Variants in CAMSAP2 observed in about 807,000 individuals in gnomAD.
CAMSAP2 encodes the protein calmodulin-regulated spectrin-associated protein 2.
CAMSAP2 carries 26 observed loss-of-function variants against 146.1 expected under a neutral mutation model. The ratio of observed to expected loss-of-function variants is 0.18; its 90% confidence interval spans 0.13 to 0.25. CAMSAP2 has a LOEUF of 0.25. CAMSAP2 is among the 10% of genes least tolerant of loss of function. The pLI, the probability that CAMSAP2 is intolerant of heterozygous loss-of-function variation, is 1.00. For synonymous variants in CAMSAP2, 499 were observed against 596.6 expected, an observed-to-expected ratio of 0.84 and a Z score of 2.38; for missense variants, 1,381 against 1,759.3, an observed-to-expected ratio of 0.78 and a Z score of 3.85.
At chr1:200,809,909 CATGTCTGAGCATGTTAGCTCAGG>C (rs1432154604) in intron 3 of CAMSAP2, among the ~76,000 whole-genome samples, 1 of 152,160 alleles carries the variant, frequency 6.6e-6, no homozygotes, top group Non-Finnish European at 1.5e-5. Context: ...GGCATCATCA[CATGTCTGAGCATGTTAGCTCAGG>C]TCTGTCTTCC....
intron 7 of CAMSAP2, among the ~76,000 whole-genome samples, chr1:200,842,975 CA>C (rs1210360243): frequency 1.8e-4 from 12 of 66,962 alleles, no homozygotes; most frequent in South Asian, 1.4e-3. Flanking sequence ...GACACCATCT[CA>C]AAAAAAAAAG....
At chr1:200,769,753 T>C (rs1665062738) in intron 2 of CAMSAP2, among the ~76,000 whole-genome samples, 1 of 152,220 alleles carries the variant, frequency 6.6e-6, no homozygotes, top group Non-Finnish European at 1.5e-5. Context: ...GGAACCTCAC[T>C]GTGCTTAGCT....
rs761653482 is a variant in CAMSAP2 at position 200,774,534 on chromosome 1, CAA to C, written c.399+13438_399+13439del. 7.9e-5 allele frequency among the ~76,000 whole-genome samples: 12 copies of C among 152,118 alleles called. No homozygotes were observed. In the East Asian group the frequency reaches 2.1e-3, roughly 27 times the overall value. ...AGTTTGTGGTTAGCAAACAAGTAAA[CAA>C]ATATTAAAAACGTAACTAGAGAGTG... On this transcript the variant is annotated intron_variant, in intron 2 of 16. Transcript: ENST00000358823.
At chr1:200,839,531 G>T (rs770446394) in intron 6 of CAMSAP2, among the ~76,000 whole-genome samples, 1 of 152,174 alleles carries the variant, frequency 6.6e-6, no homozygotes, top group Non-Finnish European at 1.5e-5. Context: ...GTAGGATTAA[G>T]AATATAATGG....
At position 200,832,891 on chromosome 1, in the gene CAMSAP2, T is replaced by A. The variant is rs779328615; in HGVS notation, c.927+46T>A. 1.3e-6 allele frequency: 2 copies of A among 1,507,586 alleles called. No homozygotes were observed. The highest frequency in any genetic ancestry group is 1.8e-6 in the Non-Finnish European group (2 of 1,121,238). The allele number at this position is 1,507,586 out of a possible 1,614,324, so 93.4% of individuals were successfully genotyped here. On this transcript the variant is annotated intron_variant, in intron 6 of 16. Coordinates refer to ENST00000358823, the MANE Select transcript of CAMSAP2 (RefSeq NM_203459.4). The surrounding 1 kb of genome is among the most constrained non-coding windows in gnomAD (Gnocchi z 4.2). ...TTTCCCTTTGCTTTGTTAAAATATG[T>A]TTTTTTAAAAAACAAACAAAAACAC...
At chr1:200,821,502 A>G (rs939914779) in intron 4 of CAMSAP2, among the ~76,000 whole-genome samples, 2 of 151,718 alleles carry the variant, frequency 1.3e-5, no homozygotes, top group African/African-American at 4.8e-5. Context: ...ATGCTAATTC[A>G]TTTCTTCTTC....
At chr1:200,845,803 T>C (rs1667447337) in intron 8 of CAMSAP2, among the ~76,000 whole-genome samples, 1 of 152,204 alleles carries the variant, frequency 6.6e-6, no homozygotes, top group Non-Finnish European at 1.5e-5. Flanking sequence ...AACAATAGAA[T>C]ATTTATTACA....
chr1:200,802,374 A>G (rs887757808), intron 2 of CAMSAP2, among the ~76,000 whole-genome samples: 7 of 152,228 alleles, frequency 4.6e-5, no homozygotes, highest in African/African-American at 7.2e-5. Flanking sequence ...ATGACATATC[A>G]TCTCAGCGGA....
intron 3 of CAMSAP2, among the ~76,000 whole-genome samples, chr1:200,813,182 G>A (rs1229168142): frequency 6.6e-6 from 1 of 152,234 alleles, no homozygotes; most frequent in Non-Finnish European, 1.5e-5. Flanking sequence ...CAGAATGGCA[G>A]CTTCTTGTTG....
intron 2 of CAMSAP2, among the ~76,000 whole-genome samples, chr1:200,766,865 A>G (rs185307505): frequency 6.6e-6 from 1 of 152,216 alleles, no homozygotes; most frequent in East Asian, 1.9e-4. Context: ...TTTCTTTCCA[A>G]AGTAATTTCC....
At chr1:200,799,372 A>G (rs1300536682) in intron 2 of CAMSAP2, among the ~76,000 whole-genome samples, 3 of 151,904 alleles carry the variant, frequency 2.0e-5, no homozygotes, top group Non-Finnish European at 4.4e-5. Flanking sequence ...CTGTTCAGGG[A>G]TTCGACTTCT....
chr1:200,858,979 A>T lies in CAMSAP2; in HGVS notation c.*920A>T, dbSNP rs1232101449. On this transcript the variant is annotated 3_prime_UTR_variant, in exon 17 of 17. Transcript: ENST00000358823. ...GTAAGACTTCCTGAAACAAGTTCTCAAGAAGTCTTTACATTATATTTATAA... is the reference window on the plus strand; with the variant it reads ...GTAAGACTTCCTGAAACAAGTTCTCTAGAAGTCTTTACATTATATTTATAA... The T allele has an allele frequency of 6.6e-6, 1 of 152,582 alleles. No homozygotes were observed. The highest frequency in any genetic ancestry group is 2.4e-5 in the African/African-American group (1 of 41,456). 9.5% of individuals were successfully genotyped at this position (152,582 alleles called of 1,614,324 possible). A position where few individuals can be genotyped will look rare whatever the true frequency, so the allele number is the denominator to read the frequency against.
In CAMSAP2 at chr1:200,848,432, T is replaced by C. The variant is rs1485707328; in HGVS notation, c.1663T>C (p.Ser555Pro). Residue 555 changes from serine (S) to proline (P), a missense_variant, in exon 11 of 17, where the codon TCT becomes CCT. Physicochemically the swap from Ser to Pro is moderately conservative, Grantham distance 74 (BLOSUM62 -1). Coordinates refer to ENST00000358823, the MANE Select transcript of CAMSAP2 (RefSeq NM_203459.4). ...ALQIIHDTEKSPHTPQPDQIA... is the reference protein window; with the variant it reads ...ALQIIHDTEKPPHTPQPDQIA... ...ACAAATAATTCATGATACTGAAAAA[T>C]CTCCTCATACACCTCAGCCAGACCA... is the stretch of plus-strand genomic sequence containing the variant. 1.2e-6 allele frequency: 2 copies of C among 1,613,710 alleles called. No homozygotes were observed. The highest frequency in any genetic ancestry group is 3.3e-5 in the Admixed American group (2 of 59,922).
At chr1:200,792,058 C>G (rs1446160334) in intron 2 of CAMSAP2, among the ~76,000 whole-genome samples, 5 of 151,948 alleles carry the variant, frequency 3.3e-5, no homozygotes, top group Admixed American at 3.3e-4. Flanking sequence ...CTTTAATTTC[C>G]TTAGAACTTT....
chr1:200,826,636 G>A (rs190645414), intron 4 of CAMSAP2, among the ~76,000 whole-genome samples: 1 of 152,156 alleles, frequency 6.6e-6, no homozygotes, highest in East Asian at 1.9e-4. Context: ...GATACCCAGA[G>A]GAAGAGTATT....
intron 2 of CAMSAP2, among the ~76,000 whole-genome samples, chr1:200,773,667 G>A (rs1665180155): frequency 6.6e-6 from 1 of 152,070 alleles, no homozygotes; most frequent in Non-Finnish European, 1.5e-5. Flanking sequence ...GCCTATTGTG[G>A]AGTAATAATG....
At chr1:200,743,399 T>G (rs1664231894) in intron 1 of CAMSAP2, among the ~76,000 whole-genome samples, 1 of 152,174 alleles carries the variant, frequency 6.6e-6, no homozygotes. Flanking sequence ...TAACAAATCT[T>G]GCTGTCAAAG....
intron 2 of CAMSAP2, among the ~76,000 whole-genome samples, chr1:200,803,254 T>C (rs1158262629): frequency 2.6e-5 from 4 of 152,252 alleles, no homozygotes; most frequent in African/African-American, 9.6e-5. Flanking sequence ...TTGGACAGGT[T>C]ATACAGTTTT....
intron 2 of CAMSAP2, among the ~76,000 whole-genome samples, chr1:200,796,534 CTTTGT>C (rs1665888854): frequency 6.6e-6 from 1 of 152,148 alleles, no homozygotes; most frequent in Non-Finnish European, 1.5e-5. Context: ...GATCACATTA[CTTTGT>C]ATACCAATTT....
Sources: gnomAD v4.1 joint callset for allele counts (sites outside exome capture counted in the v4.1 genomes callset) on GRCh38, gnomAD v4.1.1 for gene constraint, Gnocchi (gnomAD v3.1) non-coding constraint, MANE v1.5 for transcripts, NCBI Gene and HGNC (gene_info 2026-07-23, HGNC 2026-07-21) for gene names.